The following KCNQ3 variants were observed in gnomAD, a reference collection of about 807,000 sequenced individuals.
The protein encoded by KCNQ3 is potassium voltage-gated channel subfamily KQT member 3.
KCNQ3 carries 30 observed loss-of-function variants against 92.5 expected under a neutral mutation model. That is an observed-to-expected ratio of 0.32 (90% confidence interval 0.24 to 0.44). The LOEUF (loss-of-function observed/expected upper bound fraction) is 0.44. Ranked by LOEUF, KCNQ3 falls within the 20% of genes least tolerant of loss-of-function variation. The probability of loss-of-function intolerance (pLI) is 1.00; values close to 1 mark genes in which losing one functional copy is unlikely to be tolerated. For synonymous variants in KCNQ3, 450 were observed against 468.8 expected (o/e 0.96, Z 0.52); for missense variants, 913 against 1,140.3 (o/e 0.80, Z 2.87).
At chr8:132,340,167 T>C (rs1818485424) in intron 1 of KCNQ3, among the ~76,000 whole-genome samples, 1 of 151,926 alleles carries the variant, frequency 6.6e-6, no homozygotes, top group South Asian at 2.1e-4. Flanking sequence ...TTGGTAGGAG[T>C]GTAAATTAGT....
chr8:132,343,397 C>T (rs185023432), intron 1 of KCNQ3, among the ~76,000 whole-genome samples: 1 of 152,262 alleles, frequency 6.6e-6, no homozygotes, highest in East Asian at 1.9e-4. Context: ...AACCAGTGCC[C>T]AGGCCTAATC....
intron 1 of KCNQ3, among the ~76,000 whole-genome samples, chr8:132,295,269 A>G (rs572286081): frequency 6.6e-6 from 1 of 152,390 alleles, no homozygotes; most frequent in African/African-American, 2.4e-5. Flanking sequence ...TATGTGGCCA[A>G]GAAACATGAA....
intron 1 of KCNQ3, among the ~76,000 whole-genome samples, chr8:132,193,571 C>A (rs1489691056): frequency 6.6e-6 from 1 of 152,198 alleles, no homozygotes; most frequent in Non-Finnish European, 1.5e-5. Flanking sequence ...TTTATAGACT[C>A]CAAAGCTGAG....
intron 3 of KCNQ3, 54 bp from the exon 4 acceptor site, chr8:132,180,383 A>T: frequency 6.3e-6 from 10 of 1,596,080 alleles, no homozygotes; most frequent in Non-Finnish European, 7.7e-6. Flanking sequence ...AGGTCATGCG[A>T]AAGCAATGGC....
intron 9 of KCNQ3, among the ~76,000 whole-genome samples, chr8:132,151,309 T>C (rs1310004382): frequency 6.6e-6 from 1 of 152,248 alleles, no homozygotes; most frequent in East Asian, 1.9e-4. Context: ...AATAGATTTA[T>C]GTGCAAGGCG....
At chr8:132,169,058 C>CCATG (rs1826228649) in intron 8 of KCNQ3, among the ~76,000 whole-genome samples, 1 of 152,138 alleles carries the variant, frequency 6.6e-6, no homozygotes, top group African/African-American at 2.4e-5. Context: ...AGTGAAAAGA[C>CCATG]CATGGGCTTT....
chr8:132,172,621 T>C lies in KCNQ3; in HGVS notation c.1117A>G (p.Lys373Glu). 3 of 1,614,072 alleles carry C rather than the reference T, an allele frequency of 1.9e-6. No homozygotes were observed. The highest frequency in any genetic ancestry group is 2.5e-6 in the Non-Finnish European group (3 of 1,180,012). The change falls in exon 7 of 15, where the codon AAG becomes GAG. Residue 373 changes from lysine to glutamate, a missense_variant. This residue lies in a region of KCNQ3 where 52 missense variants were observed against 127.7 expected (regional missense o/e 0.41). Transcript: ENST00000388996. ...HRQKHFEKRR[K>E]PAAELIQAAW... ...ACCTGAATGAGCTCAGCAGCTGGCT[T>C]CCTCCTTTTCTCAAAGTGCTTCTGA...
At chr8:132,451,881 C>T (rs1253559706) in intron 1 of KCNQ3, among the ~76,000 whole-genome samples, 2 of 152,234 alleles carry the variant, frequency 1.3e-5, no homozygotes, top group African/African-American at 4.8e-5. Context: ...TTCGGTCAGC[C>T]TGTAGTTTCA....
chr8:132,225,202 T>G (rs1055132717), intron 1 of KCNQ3, among the ~76,000 whole-genome samples: 1 of 152,220 alleles, frequency 6.6e-6, no homozygotes, highest in African/African-American at 2.4e-5. Context: ...TTTTAAAAAT[T>G]AGCTTCATAA....
intron 1 of KCNQ3, among the ~76,000 whole-genome samples, chr8:132,299,319 T>C (rs1052000741): frequency 2.0e-5 from 3 of 152,096 alleles, no homozygotes; most frequent in Non-Finnish European, 2.9e-5. Flanking sequence ...CCCCCAAAAA[T>C]TGTTTCCCAC....
At chr8:132,174,617 G>A (rs1826486878) in intron 5 of KCNQ3, among the ~76,000 whole-genome samples, 1 of 152,148 alleles carries the variant, frequency 6.6e-6, no homozygotes, top group Admixed American at 6.5e-5. Flanking sequence ...TCATGTGTGT[G>A]TATATTTGTG....
intron 8 of KCNQ3, among the ~76,000 whole-genome samples, chr8:132,167,445 G>A (rs564120853): frequency 1.3e-5 from 2 of 152,258 alleles, no homozygotes; most frequent in East Asian, 1.9e-4. Flanking sequence ...CCTCTTGTGA[G>A]TTTTGAAATG....
At chr8:132,406,435 T>C (rs1461516446) in intron 1 of KCNQ3, among the ~76,000 whole-genome samples, 1 of 152,124 alleles carries the variant, frequency 6.6e-6, no homozygotes, top group African/African-American at 2.4e-5. Flanking sequence ...ATCAGTTTCA[T>C]ATGGACATGA....
At chr8:132,272,593 A>C (rs1250155184) in intron 1 of KCNQ3, among the ~76,000 whole-genome samples, 3 of 152,216 alleles carry the variant, frequency 2.0e-5, no homozygotes, top group Non-Finnish European at 4.4e-5. Context: ...GTGGAAGGCA[A>C]GAAGGAGCAA....
chr8:132,288,122 C>A (rs145949782), intron 1 of KCNQ3, among the ~76,000 whole-genome samples: 107 of 152,334 alleles, frequency 7.0e-4, no homozygotes, highest in Middle Eastern at 6.8e-3. Flanking sequence ...TGCATGACAT[C>A]TTTCCATATT....
Position 132,319,383 on chromosome 8 carries a change from G to C in KCNQ3, c.387-133202C>G, listed in dbSNP as rs73710536. Among the ~76,000 whole-genome samples, 1,322 of 152,202 alleles carry C rather than the reference G, an allele frequency of 8.7e-3. 21 individuals carry two copies. The highest frequency in any genetic ancestry group is 0.031 in the African/African-American group (1,269 of 41,516). ...AACAGGCTCACTTCACCCTCTATAG[G>C]ACTCTCTGAAGGCAAGGTCTGTGGG... is the stretch of plus-strand genomic sequence containing the variant. On this transcript the variant is annotated intron_variant, in intron 1 of 14. Coordinates refer to ENST00000388996, the MANE Select transcript of KCNQ3 (RefSeq NM_004519.4).
At chr8:132,136,862 C>CTTTT (rs34845943) in intron 12 of KCNQ3, among the ~76,000 whole-genome samples, 13 of 123,366 alleles carry the variant, frequency 1.1e-4, no homozygotes, top group African/African-American at 1.5e-4. Context: ...GGCTGCATAA[C>CTTTT]TTTTTTTTTT....
At chr8:132,184,476 G>T in intron 2 of KCNQ3, 109 bp from the exon 3 acceptor site, 6 of 1,115,424 alleles carry the variant, frequency 5.4e-6, no homozygotes, top group Non-Finnish European at 7.7e-6. Flanking sequence ...GCTGTTGCTG[G>T]TTGTCTGGTT....
chr8:132,132,095 A>G lies in KCNQ3; in HGVS notation c.1884+85T>C, dbSNP rs1189382474. 7.0e-6 allele frequency: 7 copies of G among 1,004,032 alleles called. No homozygotes were observed. In the African/African-American group the frequency reaches 9.8e-5, roughly 14 times the overall value. 62.2% of individuals were successfully genotyped at this position (1,004,032 alleles called of 1,614,324 possible). ...AGAGTGAACCTTCGTCTTAAAAAAAAAAAAGAAAGAAAGAAAAAAAAGAAA... is the reference window on the plus strand; with the variant it reads ...AGAGTGAACCTTCGTCTTAAAAAAAGAAAAGAAAGAAAGAAAAAAAAGAAA... On this transcript the variant is annotated intron_variant, in intron 14 of 14. Transcript: ENST00000388996.
Sources: gnomAD v4.1 joint callset for allele counts (sites outside exome capture counted in the v4.1 genomes callset) on GRCh38, gnomAD v4.1.1 for gene constraint, gnomAD v4.1.1 regional missense constraint, MANE v1.5 for transcripts, NCBI Gene and HGNC (gene_info 2026-07-23, HGNC 2026-07-21) for gene names.